APBB2: variants seen among roughly 807,000 people sequenced by gnomAD.
APBB2 encodes amyloid beta precursor protein binding family B member 2.
APBB2 carries 38 observed loss-of-function variants against 82.5 expected under a neutral mutation model. The ratio of observed to expected loss-of-function variants is 0.46; its 90% CI spans 0.36 to 0.60. APBB2 has a LOEUF of 0.60. Among genes scored for constraint, APBB2 ranks in the 20% least tolerant of loss-of-function variants. The pLI, the probability that APBB2 is intolerant of heterozygous loss-of-function variation, is 0.00. For synonymous variants in APBB2, 341 were observed against 368.2 expected (o/e 0.93, Z 0.85); for missense variants, 772 against 972.3 (o/e 0.79, Z 2.74).
chr4:40,869,999 T>G (rs895116475), intron 12 of APBB2, among the ~76,000 whole-genome samples: 2 of 151,788 alleles, frequency 1.3e-5, no homozygotes, highest in Non-Finnish European at 2.9e-5. Context: ...CAAGTTTAAA[T>G]GGAAGAGAGA....
At chr4:41,181,544 T>C (rs1771346922) in intron 1 of APBB2, among the ~76,000 whole-genome samples, 2 of 152,196 alleles carry the variant, frequency 1.3e-5, no homozygotes, top group African/African-American at 4.8e-5. Context: ...TTTCTTCCCT[T>C]ATGACTTCAT....
intron 11 of APBB2, chr4:40,890,940 T>A (rs1360933370): frequency 6.4e-6 from 1 of 155,066 alleles, no homozygotes; most frequent in Non-Finnish European, 1.4e-5. Flanking sequence ...CTCTCGGCTT[T>A]TACACCACTT....
chr4:40,816,055 T>A lies in APBB2; in HGVS notation c.*37A>T, dbSNP rs1489820292. On this transcript the variant is annotated 3_prime_UTR_variant, in exon 18 of 18. Transcript: ENST00000508593. ...CATTTTCTTTAGTGTAGCTAGTCAA[T>A]CTTCAGGTAAATAGCCGAGTCCTTT... 1.4e-5 allele frequency: 22 copies of A among 1,600,122 alleles called. No individual in the cohort carries two copies. The highest frequency in any genetic ancestry group is 1.9e-5 in the Non-Finnish European group (22 of 1,169,068).
At chr4:41,034,573 C>A (rs1718400059) in intron 4 of APBB2, among the ~76,000 whole-genome samples, 1 of 152,224 alleles carries the variant, frequency 6.6e-6, no homozygotes, top group African/African-American at 2.4e-5. Context: ...GATCCGCCCA[C>A]CTTGGCCTCC....
intron 2 of APBB2, among the ~76,000 whole-genome samples, chr4:41,141,339 TGTGTGTGTCTGTGTGTCTGTGTGC>T: frequency 8.9e-6 from 1 of 112,488 alleles, no homozygotes; most frequent in South Asian, 2.7e-4. Flanking sequence ...TGTCTGTGTG[TGTGTGTGTCTGTGTGTCTGTGTGC>T]ACACGCGCAT....
chr4:40,902,544 A>G lies in APBB2; in HGVS notation c.1255-9133T>C, dbSNP rs559851505. ...CCAGGTTTTTTGTTTTTGTTTTTGT[A>G]TTTTTTTGAGATGGGGTCTCACTCT... On this transcript the variant is annotated intron_variant, in intron 10 of 17. Transcript: ENST00000508593. Among the ~76,000 whole-genome samples, 4 of 152,006 alleles carry G rather than the reference A, an allele frequency of 2.6e-5. No homozygotes were observed. The South Asian group carries it at 8.3e-4, about 32-fold the overall frequency.
At chr4:41,105,599 T>C (rs757086153) in intron 2 of APBB2, among the ~76,000 whole-genome samples, 42 of 152,252 alleles carry the variant, frequency 2.8e-4, no homozygotes, top group Non-Finnish European at 4.6e-4. Flanking sequence ...ATTAACCAAA[T>C]ATTGGCCAGG....
intron 7 of APBB2, among the ~76,000 whole-genome samples, chr4:40,944,177 A>G (rs1161668557): frequency 1.3e-5 from 2 of 152,214 alleles, no homozygotes; most frequent in East Asian, 3.9e-4. Flanking sequence ...GACCTTCTCC[A>G]ACTCTAATTC....
intron 6 of APBB2, among the ~76,000 whole-genome samples, chr4:40,964,916 C>A (rs550779374): frequency 6.6e-6 from 1 of 151,994 alleles, no homozygotes; most frequent in East Asian, 1.9e-4. Context: ...GTCAGGAGAT[C>A]GAGACCATCC....
intron 1 of APBB2, among the ~76,000 whole-genome samples, chr4:41,209,410 G>C (rs1778770349): frequency 6.6e-6 from 1 of 152,216 alleles, no homozygotes; most frequent in Admixed American, 6.5e-5. Flanking sequence ...CACCACTCCT[G>C]CTACTGCAGC....
chr4:40,856,359 A>C (rs2154330863), intron 12 of APBB2, among the ~76,000 whole-genome samples: 1 of 152,366 alleles, frequency 6.6e-6, no homozygotes, highest in East Asian at 1.9e-4. Flanking sequence ...GAGTGTTGTA[A>C]GCAATATTTA....
intron 6 of APBB2, among the ~76,000 whole-genome samples, chr4:40,960,213 G>C (rs1017092803): frequency 1.3e-5 from 2 of 151,884 alleles, no homozygotes; most frequent in African/African-American, 4.8e-5. Context: ...CATACTTAAA[G>C]GGATCAGAGT....
intron 16 of APBB2, among the ~76,000 whole-genome samples, chr4:40,822,858 C>T (rs530433364): frequency 2.0e-5 from 3 of 152,010 alleles, no homozygotes; most frequent in Non-Finnish European, 4.4e-5. Context: ...GGGTAAGGGT[C>T]GGGTAGGCAG....
At chr4:41,097,776 T>A (rs1453218417) in intron 3 of APBB2, among the ~76,000 whole-genome samples, 1 of 152,068 alleles carries the variant, frequency 6.6e-6, no homozygotes, top group Non-Finnish European at 1.5e-5. Flanking sequence ...TTGCTTGAAA[T>A]GCTTGAAACA....
At chr4:41,117,595 AATTATT>A (rs1399653383) in intron 2 of APBB2, among the ~76,000 whole-genome samples, 1 of 152,002 alleles carries the variant, frequency 6.6e-6, no homozygotes, top group Non-Finnish European at 1.5e-5. Flanking sequence ...CTGGCCTAGG[AATTATT>A]ATCATCTTCT....
intron 4 of APBB2, among the ~76,000 whole-genome samples, chr4:41,042,844 G>T (rs1227767664): frequency 6.6e-6 from 1 of 152,158 alleles, no homozygotes; most frequent in East Asian, 1.9e-4. Flanking sequence ...AATGGCTATT[G>T]TTTAAGCCAC....
chr4:41,184,965 A>G (rs1344997436), intron 1 of APBB2, among the ~76,000 whole-genome samples: 1 of 152,188 alleles, frequency 6.6e-6, no homozygotes, highest in Non-Finnish European at 1.5e-5. Flanking sequence ...CTGCTTCCCA[A>G]ACTCCATTTC....
intron 12 of APBB2, among the ~76,000 whole-genome samples, chr4:40,852,791 C>T (rs1359821120): frequency 2.0e-5 from 3 of 152,094 alleles, no homozygotes; most frequent in Non-Finnish European, 4.4e-5. Flanking sequence ...CAGGCATGTG[C>T]CACCATGCCC....
At chr4:40,833,108 ATGCCT>A (rs1208868931) in intron 12 of APBB2, among the ~76,000 whole-genome samples, 1 of 152,210 alleles carries the variant, frequency 6.6e-6, no homozygotes, top group Non-Finnish European at 1.5e-5. Flanking sequence ...CACTCAAGGG[ATGCCT>A]TGCTTCTGGT....
Sources: gnomAD v4.1 joint callset for allele counts (sites outside exome capture counted in the v4.1 genomes callset) on GRCh38, gnomAD v4.1.1 for gene constraint, MANE v1.5 for transcripts, NCBI Gene and HGNC (gene_info 2026-07-23, HGNC 2026-07-21) for gene names.